The following DOK6 variants were observed in gnomAD, a reference collection of about 807,000 sequenced individuals.
The protein encoded by DOK6 is downstream of tyrosine kinase 6.
A neutral mutation model predicts 44.0 loss-of-function variants in DOK6; 22 were observed. That is an observed-to-expected ratio of 0.50 (90% CI 0.36 to 0.71). DOK6 has a LOEUF of 0.71. Ranked by LOEUF, DOK6 falls within the 30% of genes least tolerant of loss-of-function variation. The pLI is 0.00. For synonymous variants in DOK6, 166 were observed against 145.5 expected, an observed-to-expected ratio of 1.14 and a Z score of -1.01; for missense variants, 340 against 416.4, an observed-to-expected ratio of 0.82 and a Z score of 1.60.
chr18:69,547,950 TAA>T (rs1491222205), intron 1 of DOK6, among the ~76,000 whole-genome samples: 5 of 134,602 alleles, frequency 3.7e-5, no homozygotes, highest in Admixed American at 2.2e-4. Flanking sequence ...ATAATATATA[TAA>T]AATATATATA....
At chr18:69,811,577 T>TATATATATATA (rs1981238389) in intron 7 of DOK6, among the ~76,000 whole-genome samples, 1 of 11,108 alleles carries the variant, frequency 9.0e-5, no homozygotes, top group Non-Finnish European at 3.5e-4. Flanking sequence ...TATATATATA[T>TATATATATATA]CAAAACACTA....
At chr18:69,415,695 C>T (rs1978328395) in intron 1 of DOK6, among the ~76,000 whole-genome samples, 1 of 151,978 alleles carries the variant, frequency 6.6e-6, no homozygotes. Context: ...ATGTCATTTT[C>T]AGCACCTAAA....
intron 2 of DOK6, among the ~76,000 whole-genome samples, chr18:69,566,133 T>G: frequency 6.6e-6 from 1 of 151,746 alleles, no homozygotes; most frequent in East Asian, 1.9e-4. Flanking sequence ...ATTTATTTAT[T>G]TATTTATTTA....
At chr18:69,824,107 C>T (rs1357250934) in intron 7 of DOK6, among the ~76,000 whole-genome samples, 1 of 151,404 alleles carries the variant, frequency 6.6e-6, no homozygotes, top group Non-Finnish European at 1.5e-5. Context: ...AGGTTAGTTA[C>T]ATATGTATAC....
At chr18:69,804,506 G>T (rs1159888556) in intron 7 of DOK6, among the ~76,000 whole-genome samples, 1 of 152,106 alleles carries the variant, frequency 6.6e-6, no homozygotes, top group Non-Finnish European at 1.5e-5. Flanking sequence ...TAGAAACAGA[G>T]ATACTTTCTA....
In DOK6 at chr18:69,573,780, T is replaced by C. The variant is rs1466671953; in HGVS notation, c.174+9186T>C. ...TAACTAGTTCAATGATTCTGATTTC[T>C]GTTTCTTTTTTTCCCTTAGGACGTA... On this transcript the variant is annotated intron_variant, in intron 2 of 7. Transcript: ENST00000382713. 2.0e-5 allele frequency among the ~76,000 whole-genome samples: 3 copies of C among 152,116 alleles called. No individual in the cohort carries two copies. The East Asian group carries it at 5.8e-4, about 29-fold the overall frequency.
At chr18:69,780,734 G>C (rs891728451) in intron 7 of DOK6, among the ~76,000 whole-genome samples, 1 of 152,150 alleles carries the variant, frequency 6.6e-6, no homozygotes, top group Non-Finnish European at 1.5e-5. Context: ...CTATGTATGC[G>C]AGTATATTCA....
chr18:69,423,047 T>C lies in DOK6; in HGVS notation c.66+21737T>C, dbSNP rs181774881. Reference sequence around the variant, plus strand: ...GGCCAGGCGCAGTGGCTCACAGATGTAATCCCGGGACTTTGGGAGACTGAA... The same window carrying C: ...GGCCAGGCGCAGTGGCTCACAGATGCAATCCCGGGACTTTGGGAGACTGAA... On this transcript the variant is annotated intron_variant, in intron 1 of 7. Coordinates refer to ENST00000382713, the MANE Select transcript of DOK6 (RefSeq NM_152721.6). Among the ~76,000 whole-genome samples the C allele has an allele frequency of 3.3e-5, 5 of 152,318 alleles. No homozygotes were observed. In the East Asian group the frequency reaches 9.6e-4, roughly 29 times the overall value.
intron 1 of DOK6, among the ~76,000 whole-genome samples, chr18:69,489,674 A>G (rs990235276): frequency 1.7e-4 from 26 of 152,176 alleles, no homozygotes; most frequent in African/African-American, 6.3e-4. Context: ...TAAAATTTAC[A>G]TTTGTAGGTT....
At chr18:69,479,522 T>C (rs12966827) in intron 1 of DOK6, among the ~76,000 whole-genome samples, 31,708 of 152,164 alleles carry the variant, frequency 0.21, 3,648 homozygotes, top group Non-Finnish European at 0.26. Context: ...TTTACTTTGC[T>C]GCAGATGTGC....
chr18:69,434,871 G>A (rs899313643), intron 1 of DOK6, among the ~76,000 whole-genome samples: 1 of 145,854 alleles, frequency 6.9e-6, no homozygotes, highest in Non-Finnish European at 1.5e-5. Context: ...GCAATGAGCC[G>A]TGATCACGCC....
intron 7 of DOK6, among the ~76,000 whole-genome samples, chr18:69,819,799 T>G (rs145097915): frequency 1.2e-4 from 19 of 152,274 alleles, no homozygotes; most frequent in African/African-American, 4.1e-4. Context: ...TTTCACTTAT[T>G]ATAATGTCCT....
intron 7 of DOK6, chr18:69,832,867 A>T (rs1981940611): frequency 6.6e-6 from 1 of 152,186 alleles, no homozygotes; most frequent in African/African-American, 2.4e-5. Flanking sequence ...AGAAGTGAAC[A>T]TCTTTACAAC....
At chr18:69,749,964 T>C (rs908747793) in intron 6 of DOK6, among the ~76,000 whole-genome samples, 1 of 145,216 alleles carries the variant, frequency 6.9e-6, no homozygotes, top group African/African-American at 2.6e-5. Context: ...AAGTTCTGGG[T>C]CAAATACCGG....
At chr18:69,428,457 CTTCT>C (rs1202210477) in intron 1 of DOK6, among the ~76,000 whole-genome samples, 8 of 151,818 alleles carry the variant, frequency 5.3e-5, no homozygotes, top group African/African-American at 1.9e-4. Flanking sequence ...AGAAAGATTT[CTTCT>C]TTATTATCTG....
At chr18:69,617,730 G>GAAAGAAAGAAAAAGAAAGAAAGAAAGA in intron 3 of DOK6, among the ~76,000 whole-genome samples, 1 of 88,796 alleles carries the variant, frequency 1.1e-5, no homozygotes, top group African/African-American at 3.6e-5. Flanking sequence ...AAAGAAAAAA[G>GAAAGAAAGAAAAAGAAAGAAAGAAAGA]GGGGAAGGAG....
At chr18:69,635,146 C>G (rs548510774) in intron 3 of DOK6, among the ~76,000 whole-genome samples, 1 of 152,240 alleles carries the variant, frequency 6.6e-6, no homozygotes, top group African/African-American at 2.4e-5. Flanking sequence ...CTGTTGACAC[C>G]GGGGCTTAGA....
At chr18:69,710,195 T>C (rs1986726507) in intron 5 of DOK6, among the ~76,000 whole-genome samples, 1 of 152,132 alleles carries the variant, frequency 6.6e-6, no homozygotes. Context: ...AAGAAAATTA[T>C]AAACTTACTA....
chr18:69,605,315 G>A (rs867060667), intron 3 of DOK6, among the ~76,000 whole-genome samples: 10 of 152,106 alleles, frequency 6.6e-5, no homozygotes, highest in Admixed American at 3.3e-4. Context: ...AGCCCCATGC[G>A]AACTGACCTG....
Sources: allele counts gnomAD v4.1 joint callset (sites outside exome capture counted in the v4.1 genomes callset), GRCh38; gene constraint gnomAD v4.1.1; transcripts MANE v1.5; gene names NCBI Gene and HGNC (gene_info 2026-07-23, HGNC 2026-07-21).